INSL6: variants seen among roughly 807,000 people sequenced by gnomAD.
INSL6 encodes insulin like 6.
In INSL6, 16 loss-of-function variants were observed where a neutral mutation model predicts 9.4. The ratio of observed to expected loss-of-function variants is 1.70; its 90% confidence interval spans 1.15 to 2.59. INSL6 has a LOEUF of 2.59. INSL6 is among the 30% of genes most tolerant of loss of function. The pLI is 0.00. For missense variants in INSL6, 391 were observed against 257.3 expected (o/e 1.52, Z -3.56); for synonymous variants, 154 against 96.9 (o/e 1.59, Z -3.46).
chr9:5,016,024 G>A, the INSL6 span, among the ~76,000 whole-genome samples: 1 of 152,220 alleles, frequency 6.6e-6, no homozygotes, highest in Non-Finnish European at 1.5e-5. Flanking sequence ...AGTAGGCATT[G>A]GAGACAGTTT....
the INSL6 span, among the ~76,000 whole-genome samples, chr9:5,054,248 A>T: frequency 6.6e-6 from 1 of 152,066 alleles, no homozygotes; most frequent in Non-Finnish European, 1.5e-5. The surrounding 1 kb of genome is among the most constrained non-coding windows in gnomAD (Gnocchi z 4.9). Flanking sequence ...CTGGTATGTG[A>T]AATAGAGAAA....
chr9:5,082,075 G>A, the INSL6 span, among the ~76,000 whole-genome samples: 3 of 152,314 alleles, frequency 2.0e-5, no homozygotes, highest in African/African-American at 7.2e-5. Flanking sequence ...GGTAATTCTC[G>A]TCAGGTGGGA....
intron 1 of INSL6, among the ~76,000 whole-genome samples, chr9:5,181,913 A>G (rs993838406): frequency 5.9e-5 from 9 of 152,226 alleles, no homozygotes; most frequent in African/African-American, 9.6e-5. Context: ...GTAAAAGTTA[A>G]TAACTGTATA....
chr9:5,126,183 T>C (rs1014531120), intron 3 of INSL6: 3 of 556,686 alleles, frequency 5.4e-6, no homozygotes, highest in African/African-American at 2.0e-5. Flanking sequence ...CCTTATGTTT[T>C]TGATCCTAAA....
At chr9:5,085,188 C>T in the INSL6 span, 6 of 657,708 alleles carry the variant, frequency 9.1e-6, no homozygotes, top group Non-Finnish European at 1.8e-5. Flanking sequence ...TGAACCATCT[C>T]ATGATCATAG....
At chr9:5,114,068 G>A in the INSL6 span, 6 of 337,450 alleles carry the variant, frequency 1.8e-5, no homozygotes, top group Non-Finnish European at 3.6e-5. Flanking sequence ...CACAAAGCAA[G>A]CTCACCCTCA....
At chr9:5,149,294 T>G (rs1824665621) in intron 2 of INSL6, among the ~76,000 whole-genome samples, 1 of 152,204 alleles carries the variant, frequency 6.6e-6, no homozygotes, top group Non-Finnish European at 1.5e-5. Flanking sequence ...CAACTGTATC[T>G]TTTTTCTATT....
intron 1 of INSL6, among the ~76,000 whole-genome samples, chr9:5,172,518 C>G (rs189215062): frequency 6.6e-6 from 1 of 152,292 alleles, no homozygotes; most frequent in African/African-American, 2.4e-5. Flanking sequence ...TCAGAGTGAA[C>G]AGACAACCTA....
intron 3 of INSL6, among the ~76,000 whole-genome samples, chr9:5,129,780 G>A (rs1452916588): frequency 6.6e-6 from 1 of 152,082 alleles, no homozygotes; most frequent in Non-Finnish European, 1.5e-5. Flanking sequence ...TGAGAGAACT[G>A]AAAAACTACA....
chr9:5,015,830 G>A, the INSL6 span, among the ~76,000 whole-genome samples: 1 of 152,126 alleles, frequency 6.6e-6, no homozygotes, highest in Admixed American at 6.5e-5. Context: ...GTATGTTTAA[G>A]GCAGTGTGAT....
At chr9:5,030,055 G>C in the INSL6 span, 1 of 642,038 alleles carries the variant, frequency 1.6e-6, no homozygotes, top group African/African-American at 1.9e-5. Context: ...ATTCTATTCT[G>C]TTTCTCCATC....
chr9:5,179,671 A>T (rs562730955), intron 1 of INSL6, among the ~76,000 whole-genome samples: 1 of 152,360 alleles, frequency 6.6e-6, no homozygotes, highest in African/African-American at 2.4e-5. Flanking sequence ...GCTATAAAAA[A>T]GAATGAGATC....
the INSL6 span, among the ~76,000 whole-genome samples, chr9:5,105,215 A>G: frequency 1.3e-5 from 2 of 152,250 alleles, no homozygotes; most frequent in Admixed American, 1.3e-4. Context: ...GCAAAGTCTC[A>G]GGATACAAAA....
At chr9:5,072,226 G>C in the INSL6 span, among the ~76,000 whole-genome samples, 6 of 152,228 alleles carry the variant, frequency 3.9e-5, no homozygotes, top group East Asian at 5.8e-4. Context: ...TTTTTAAAAA[G>C]TGACAATTAT....
the INSL6 span, chr9:5,050,542 A>G: frequency 1.3e-6 from 1 of 752,876 alleles, no homozygotes; most frequent in Non-Finnish European, 2.1e-6. Context: ...AAGTTCTGGG[A>G]TTACAGGCAT....
chr9:5,178,072 G>T (rs1825353636), intron 1 of INSL6, among the ~76,000 whole-genome samples: 1 of 152,074 alleles, frequency 6.6e-6, no homozygotes. Context: ...GACAGGGTTT[G>T]CCATGTTGCC....
chr9:5,027,011 A>G, the INSL6 span, among the ~76,000 whole-genome samples: 705 of 152,286 alleles, frequency 4.6e-3, 6 homozygotes, highest in African/African-American at 0.016. Flanking sequence ...TATTTTTGTG[A>G]TTTGATACCT....
chr9:5,022,261 A>G, the INSL6 span: 2 of 1,312,206 alleles, frequency 1.5e-6, no homozygotes, highest in South Asian at 2.4e-5. Context: ...GGATTGTTTT[A>G]ATTATGCTAT....
chr9:5,043,854 A>C, the INSL6 span, among the ~76,000 whole-genome samples: 1 of 152,230 alleles, frequency 6.6e-6, no homozygotes, highest in South Asian at 2.1e-4. Context: ...CAGAAAGGCC[A>C]CATGTTCTAA....
Sources: gnomAD v4.1 joint callset for allele counts (sites outside exome capture counted in the v4.1 genomes callset) on GRCh38, gnomAD v4.1.1 for gene constraint, Gnocchi (gnomAD v3.1) non-coding constraint, MANE v1.5 for transcripts, NCBI Gene and HGNC (gene_info 2026-07-23, HGNC 2026-07-21) for gene names.